DST: variants seen among roughly 807,000 people sequenced by gnomAD.
DST encodes the protein bullous pemphigoid antigen.
Under a neutral mutation model 875.2 loss-of-function variants are expected in DST, and 253 were observed. The observed-to-expected ratio is 0.29, with a 90% CI of 0.26 to 0.32. The LOEUF (loss-of-function observed/expected upper bound fraction) is 0.32. Among genes scored for constraint, DST ranks in the 10% least tolerant of loss-of-function variants. The pLI, the probability that DST is intolerant of heterozygous loss-of-function variation, is 1.00. For missense variants in DST, 8,287 were observed against 9,111.6 expected (o/e 0.91, Z 3.68); for synonymous variants, 3,124 against 3,197.1 (o/e 0.98, Z 0.77).
intron 3 of DST, 104 bp from the exon 4 acceptor site, chr6:56,851,708 A>G: frequency 3.2e-6 from 5 of 1,552,732 alleles, no homozygotes; most frequent in Non-Finnish European, 4.4e-6. Flanking sequence ...CCTGCCCCCA[A>G]ACTGGGTCTG....
intron 58 of DST, among the ~76,000 whole-genome samples, chr6:56,559,460 A>T (rs1241160966): frequency 6.6e-6 from 1 of 152,126 alleles, no homozygotes; most frequent in Non-Finnish European, 1.5e-5. Context: ...TACATTTATC[A>T]TAGCATACCT....
At chr6:56,688,417 T>G (rs2099202921) in intron 9 of DST, among the ~76,000 whole-genome samples, 1 of 152,254 alleles carries the variant, frequency 6.6e-6, no homozygotes, top group Non-Finnish European at 1.5e-5. Flanking sequence ...ATGTAATTCC[T>G]CTCACATTCT....
intron 53 of DST, among the ~76,000 whole-genome samples, chr6:56,570,860 T>C (rs1281791710): frequency 6.6e-6 from 1 of 152,216 alleles, no homozygotes; most frequent in Non-Finnish European, 1.5e-5. Flanking sequence ...GTCCCCTTTA[T>C]GTGATGCTGA....
At chr6:56,571,664 A>G (rs2097783815) in intron 53 of DST, among the ~76,000 whole-genome samples, 1 of 152,220 alleles carries the variant, frequency 6.6e-6, no homozygotes, top group African/African-American at 2.4e-5. Context: ...CTCTTTAAAA[A>G]GTAAACTATT....
At chr6:56,705,000 A>G (rs2099327928) in intron 5 of DST, among the ~76,000 whole-genome samples, 1 of 152,190 alleles carries the variant, frequency 6.6e-6, no homozygotes, top group South Asian at 2.1e-4. Context: ...CACTAGCACA[A>G]AATCAACACT....
At chr6:56,626,862 A>G (rs2098739346) in intron 34 of DST, among the ~76,000 whole-genome samples, 1 of 152,154 alleles carries the variant, frequency 6.6e-6, no homozygotes, top group Non-Finnish European at 1.5e-5. Flanking sequence ...CTTGAAAAGC[A>G]TGAAAAGTGT....
chr6:56,795,165 A>C (rs981580596), intron 4 of DST, among the ~76,000 whole-genome samples: 3 of 152,138 alleles, frequency 2.0e-5, no homozygotes, highest in Non-Finnish European at 4.4e-5. Flanking sequence ...AGGAGGGAAG[A>C]TACTGCATCC....
intron 3 of DST, among the ~76,000 whole-genome samples, chr6:56,861,161 C>T (rs1770964762): frequency 6.6e-6 from 1 of 152,184 alleles, no homozygotes; most frequent in South Asian, 2.1e-4. Flanking sequence ...TCTTTCACTA[C>T]AAACAGTAGA....
chr6:56,939,386 G>C (rs1391635635), intron 2 of DST, among the ~76,000 whole-genome samples: 6 of 152,226 alleles, frequency 3.9e-5, no homozygotes, highest in Non-Finnish European at 1.5e-5. Flanking sequence ...AAGCAGGTAT[G>C]ATCAGAGAAG....
At chr6:56,557,890 C>T (rs1269127774) in intron 58 of DST, among the ~76,000 whole-genome samples, 5 of 152,060 alleles carry the variant, frequency 3.3e-5, no homozygotes, top group East Asian at 3.8e-4. Context: ...TTCACTTATC[C>T]GTTCTAGGCA....
chr6:56,497,187 A>G (rs1429325730), intron 82 of DST, among the ~76,000 whole-genome samples, 192 bp downstream of exon 82: 1 of 152,154 alleles, frequency 6.6e-6, no homozygotes, highest in Non-Finnish European at 1.5e-5. Context: ...AAAAAAAGAA[A>G]GAAATAAAGA....
At chr6:56,656,118 A>C (rs1397986038) in intron 10 of DST, among the ~76,000 whole-genome samples, 1 of 152,238 alleles carries the variant, frequency 6.6e-6, no homozygotes, top group Non-Finnish European at 1.5e-5. Context: ...TCTACTGACA[A>C]AACCACCATC....
intron 4 of DST, among the ~76,000 whole-genome samples, chr6:56,805,033 T>C (rs1281842035): frequency 6.6e-6 from 1 of 152,036 alleles, no homozygotes; most frequent in African/African-American, 2.4e-5. Flanking sequence ...TAAATATATA[T>C]TCTACAAATC....
At chr6:56,644,442 C>T (rs1216169300) in intron 15 of DST, among the ~76,000 whole-genome samples, 1 of 150,354 alleles carries the variant, frequency 6.7e-6, no homozygotes, top group Non-Finnish European at 1.5e-5. Flanking sequence ...GCACAGAGAA[C>T]ATGACAATAC....
chr6:56,507,271 C>G (rs2096347452), intron 75 of DST, among the ~76,000 whole-genome samples: 1 of 152,180 alleles, frequency 6.6e-6, no homozygotes, highest in Admixed American at 6.5e-5. Context: ...GATACCACAA[C>G]AGAAAGGCAG....
Position 56,607,831 on chromosome 6 carries a change from C to T in DST, c.6797G>A (p.Gly2266Asp), listed in dbSNP as rs760140853. ...SSGVFLNNASGREKDECTATP... is the reference protein window; with the variant it reads ...SSGVFLNNASDREKDECTATP... ...AGCTGTACATTCATCCTTTTCTCTACCTGAAGCATTATTAAGAAATACACC... is the reference window on the plus strand; with the variant it reads ...AGCTGTACATTCATCCTTTTCTCTATCTGAAGCATTATTAAGAAATACACC... The change falls in exon 40 of 104, where the codon GGT (glycine) becomes GAT (aspartate). Residue 2266 changes from glycine (G) to aspartate (D), a missense_variant. Physicochemically the swap from Gly to Asp is moderately conservative, Grantham distance 94. Around this residue, in one of 10 missense-constraint regions of DST, gnomAD observed 3,138 missense variants for 3,116.6 expected, o/e 1.01. Transcript: ENST00000680361. 5.0e-6 allele frequency: 8 copies of T among 1,613,524 alleles called. No homozygotes were observed. The Admixed American group carries it at 1.3e-4, about 27-fold the overall frequency.
chr6:56,917,610 T>C (rs1032914042), intron 2 of DST, among the ~76,000 whole-genome samples: 1 of 152,232 alleles, frequency 6.6e-6, no homozygotes, highest in African/African-American at 2.4e-5. Context: ...TGCAGTTATT[T>C]AGGCAAGAGC....
At chr6:56,600,988 CT>C (rs1270373032) in intron 44 of DST, among the ~76,000 whole-genome samples, 1 of 152,020 alleles carries the variant, frequency 6.6e-6, no homozygotes, top group African/African-American at 2.4e-5. Context: ...AATGATTAAA[CT>C]GAGGTTAAGT....
At chr6:56,825,972 A>C (rs1357344406) in intron 4 of DST, among the ~76,000 whole-genome samples, 2 of 152,236 alleles carry the variant, frequency 1.3e-5, no homozygotes, top group Non-Finnish European at 2.9e-5. Context: ...ACTCAATAAC[A>C]CTATATATAA....
Sources: gnomAD v4.1 joint callset for allele counts (sites outside exome capture counted in the v4.1 genomes callset) on GRCh38, gnomAD v4.1.1 for gene constraint, gnomAD v4.1.1 regional missense constraint, MANE v1.5 for transcripts, NCBI Gene and HGNC (gene_info 2026-07-23, HGNC 2026-07-21) for gene names.